RWDD1: variants seen among roughly 807,000 people sequenced by gnomAD.
RWDD1 encodes RWD domain containing 1, also known as RWD domain-containing protein 1.
RWDD1 carries 17 observed loss-of-function variants against 31.6 expected under a neutral mutation model. The observed-to-expected ratio is 0.54, with a 90% confidence interval of 0.37 to 0.81. RWDD1 has a LOEUF of 0.81. Among genes scored for constraint, RWDD1 ranks in the 30% least tolerant of loss-of-function variants. RWDD1 has a pLI of 0.00. For synonymous variants in RWDD1, 78 were observed against 94.2 expected (o/e 0.83, Z 0.99); for missense variants, 204 against 274.5 (o/e 0.74, Z 1.82).
rs774289241 is a variant in RWDD1 at position 116,590,293 on chromosome 6, G to A, written c.436G>A (p.Val146Ile). 6.3e-7 allele frequency: 1 copy of A among 1,582,766 alleles called. No individual in the cohort carries two copies. The change falls in exon 5 of 7, where the codon GTT (valine) becomes ATT (isoleucine). Residue 146 changes from valine (V) to isoleucine (I), a missense_variant. By Grantham distance (29) the Val-to-Ile change is conservative. Transcript: ENST00000466444. ...TAAGCAATTATTCCATGGTACTCCA[G>A]TTACAATTGAGAATTTCTTAAATTG... Reference protein sequence around the residue: ...AEKQLFHGTPVTIENFLNWKA... With the variant: ...AEKQLFHGTPITIENFLNWKA...
At chr6:116,571,725 C>A in intron 1 of RWDD1, 70 bp downstream of exon 1, 1 of 1,441,258 alleles carries the variant, frequency 6.9e-7, no homozygotes, top group Non-Finnish European at 9.5e-7. Flanking sequence ...TGCCGCAGCT[C>A]TGGGCCTCAT....
intron 3 of RWDD1, among the ~76,000 whole-genome samples, chr6:116,586,042 A>G (rs918277333): frequency 3.3e-5 from 5 of 152,166 alleles, no homozygotes; most frequent in Admixed American, 1.3e-4. Flanking sequence ...TAAATTATTC[A>G]GTCTAAGTGA....
At chr6:116,589,035 A>G (rs1326835324) in intron 4 of RWDD1, 50 bp downstream of exon 4, 2 of 1,198,402 alleles carry the variant, frequency 1.7e-6, no homozygotes, top group East Asian at 3.4e-5. Flanking sequence ...ATCAGTTTTC[A>G]GTTGCTTGGT....
chr6:116,583,030 T>C (rs1774975781), intron 2 of RWDD1, among the ~76,000 whole-genome samples: 1 of 151,736 alleles, frequency 6.6e-6, no homozygotes, highest in Non-Finnish European at 1.5e-5. Flanking sequence ...CAGGCTAGAG[T>C]TCCATGGTGC....
chr6:116,588,683 C>A (rs1192584602), intron 3 of RWDD1, among the ~76,000 whole-genome samples, 159 bp from the exon 4 acceptor site: 1 of 151,908 alleles, frequency 6.6e-6, no homozygotes, highest in Non-Finnish European at 1.5e-5. Context: ...ATTTACACGA[C>A]TTTTTAAATA....
chr6:116,597,322 T>G lies in RWDD1; in HGVS notation c.*4221T>G, dbSNP rs947971308. ...ATGAATTTTTAAATAATTGTTATAT[T>G]TAGTTTTGTTCTTCCACCTTTTGGC... is the stretch of plus-strand genomic sequence containing the variant. On this transcript the variant is annotated 3_prime_UTR_variant, in exon 7 of 7. Transcript: ENST00000466444. The G allele has an allele frequency of 6.6e-6, 1 of 152,210 alleles. No individual in the cohort carries two copies. Among genetic ancestry groups the G allele is most frequent in the Non-Finnish European group, 1.5e-5 (1 of 68,038 alleles). The allele number at this position is 152,210 out of a possible 1,614,324, so 9.4% of individuals were successfully genotyped here.
chr6:116,581,439 A>G (rs1039198615), intron 2 of RWDD1, among the ~76,000 whole-genome samples: 1 of 152,076 alleles, frequency 6.6e-6, no homozygotes, highest in Non-Finnish European at 1.5e-5. Context: ...GAGAGCTCCC[A>G]TATTCTGAAT....
At position 116,584,710 on chromosome 6, in the gene RWDD1, C is replaced by T. The variant is rs372495277; in HGVS notation, c.140-17C>T. The T allele has an allele frequency of 6.2e-7, 1 of 1,607,116 alleles. No individual in the cohort carries two copies. The highest frequency in any genetic ancestry group is 8.5e-7 in the Non-Finnish European group (1 of 1,174,412). ...ACTTTTAAGGTATTCACATCAAACT[C>T]TTATCTTGTGTCTTAGCTGTCCAGA... is the stretch of plus-strand genomic sequence containing the variant. On this transcript the variant is annotated splice_polypyrimidine_tract_variant and intron_variant, in intron 2 of 6. Transcript: ENST00000466444.
rs566574652 is a variant in RWDD1, at chr6:116,588,773, A to G, written c.271-69A>G. The G allele has an allele frequency of 1.3e-5, 14 of 1,104,048 alleles. No individual in the cohort carries two copies. In the East Asian group the frequency reaches 3.0e-4, roughly 23 times the overall value. 68.4% of individuals were successfully genotyped at this position (1,104,048 alleles called of 1,614,324 possible). On this transcript the variant is annotated intron_variant, in intron 3 of 6. Transcript: ENST00000466444. The stretch of plus-strand genomic sequence containing the variant: ...GAACATAGAATATAACCAAATTAGT[A>G]ATTATTATAAATGTATGGACTTTTA...
At chr6:116,583,350 T>G (rs1774980776) in intron 2 of RWDD1, among the ~76,000 whole-genome samples, 1 of 152,160 alleles carries the variant, frequency 6.6e-6, no homozygotes, top group Non-Finnish European at 1.5e-5. Context: ...ATTGATTGTT[T>G]AAAGTCTGGG....
At chr6:116,590,212 T>A in intron 4 of RWDD1, 60 bp from the exon 5 acceptor site, 1 of 924,758 alleles carries the variant, frequency 1.1e-6, no homozygotes, top group Non-Finnish European at 1.6e-6. Context: ...AAAGATACTG[T>A]TAGGATTTAT....
chr6:116,575,310 T>C (rs1484148028), intron 1 of RWDD1, among the ~76,000 whole-genome samples: 1 of 151,984 alleles, frequency 6.6e-6, no homozygotes, highest in Non-Finnish European at 1.5e-5. Flanking sequence ...GGTCTTGAAC[T>C]CCTGGCCTCA....
intron 1 of RWDD1, among the ~76,000 whole-genome samples, chr6:116,576,359 G>A (rs1408991518): frequency 6.6e-6 from 1 of 151,296 alleles, no homozygotes; most frequent in Non-Finnish European, 1.5e-5. Context: ...CTTTTTTTTA[G>A]CTGCACATGG....
intron 3 of RWDD1, among the ~76,000 whole-genome samples, chr6:116,586,994 G>A (rs535451213): frequency 2.6e-4 from 40 of 152,232 alleles, no homozygotes; most frequent in African/African-American, 9.6e-4. Context: ...TAGTGATGTG[G>A]AACTAGTATG....
At position 116,571,604 on chromosome 6, in the gene RWDD1, C is replaced by A. The variant is rs1774736288; in HGVS notation, c.22C>A (p.Gln8Lys). 2 of 1,613,530 alleles carry A rather than the reference C, an allele frequency of 1.2e-6. No individual in the cohort carries two copies. Among genetic ancestry groups the A allele is most frequent in the African/African-American group, 2.7e-5 (2 of 74,884 alleles). Residue 8 changes from glutamine to lysine, a missense_variant, in exon 1 of 7, where the codon CAG becomes AAG. By Grantham distance (53) the Gln-to-Lys change is moderately conservative (BLOSUM62 1). Transcript: ENST00000466444. ...CACGATGACAGATTACGGCGAGGAG[C>A]AGCGCAACGAGCTGGAGGCCCTGGA... Reference protein sequence around the residue: MTDYGEEQRNELEALESI... With the variant: MTDYGEEKRNELEALESI...
rs1409734827 is a variant in RWDD1, at chr6:116,594,484, A to G, written c.*1383A>G. ...AACAGCAAAATCTCATACTGGTTCT[A>G]CAGATTATTCTGATGCACAATCTGG... On this transcript the variant is annotated 3_prime_UTR_variant, in exon 7 of 7. Coordinates refer to ENST00000466444, the MANE Select transcript of RWDD1 (RefSeq NM_015952.4). The G allele has an allele frequency of 2.0e-5, 3 of 152,188 alleles. No individual in the cohort carries two copies. Among genetic ancestry groups the G allele is most frequent in the Non-Finnish European group, 4.4e-5 (3 of 68,032 alleles). 9.4% of individuals were successfully genotyped at this position (152,188 alleles called of 1,614,324 possible). A position where few individuals can be genotyped will look rare whatever the true frequency, so the allele number is the denominator to read the frequency against.
intron 4 of RWDD1, among the ~76,000 whole-genome samples, chr6:116,589,432 G>T (rs562662465): frequency 6.6e-6 from 1 of 152,182 alleles, no homozygotes; most frequent in Non-Finnish European, 1.5e-5. Flanking sequence ...GTCCTGGGCT[G>T]CATGTGGCTC....
chr6:116,585,050 C>G (rs1324689081), intron 3 of RWDD1, among the ~76,000 whole-genome samples, 193 bp downstream of exon 3: 1 of 151,968 alleles, frequency 6.6e-6, no homozygotes, highest in Non-Finnish European at 1.5e-5. Flanking sequence ...AGAATTTGTC[C>G]CAGTGCCCCT....
At chr6:116,587,089 C>A (rs1775054810) in intron 3 of RWDD1, among the ~76,000 whole-genome samples, 1 of 152,074 alleles carries the variant, frequency 6.6e-6, no homozygotes, top group Admixed American at 6.6e-5. Flanking sequence ...AGATATCCTA[C>A]TTTTATTGGA....
Sources: gnomAD v4.1 joint callset for allele counts (sites outside exome capture counted in the v4.1 genomes callset) on GRCh38, gnomAD v4.1.1 for gene constraint, MANE v1.5 for transcripts, NCBI Gene and HGNC (gene_info 2026-07-23, HGNC 2026-07-21) for gene names.